PRKN: variants seen among roughly 807,000 people sequenced by gnomAD.
PRKN encodes E3 ubiquitin-protein ligase parkin.
PRKN carries 56 observed loss-of-function variants against 59.5 expected under a neutral mutation model. That is an observed-to-expected ratio of 0.94 (90% CI 0.76 to 1.18). PRKN has a LOEUF of 1.18. Among genes scored for constraint, PRKN ranks in the 50% most tolerant of loss-of-function variants. The probability of loss-of-function intolerance (pLI) is 0.00; values close to 1 mark genes in which losing one functional copy is unlikely to be tolerated. For missense variants in PRKN, 657 were observed against 596.4 expected (o/e 1.10, Z -1.06); for synonymous variants, 250 against 222.1 (o/e 1.13, Z -1.12).
At chr6:161,767,779 G>A (rs187362279) in intron 7 of PRKN, among the ~76,000 whole-genome samples, 1 of 150,214 alleles carries the variant, frequency 6.7e-6, no homozygotes, top group Non-Finnish European at 1.5e-5. Flanking sequence ...GGGGCTGGGG[G>A]TGTGGGGATG....
chr6:161,682,706 A>C (rs1463706433), intron 7 of PRKN, among the ~76,000 whole-genome samples: 1 of 152,162 alleles, frequency 6.6e-6, no homozygotes, highest in Non-Finnish European at 1.5e-5. Context: ...ATTCGGAAAC[A>C]CTTGGCAACA....
intron 1 of PRKN, among the ~76,000 whole-genome samples, chr6:162,648,796 C>G (rs918279902): frequency 6.6e-6 from 1 of 152,178 alleles, no homozygotes; most frequent in Non-Finnish European, 1.5e-5. Flanking sequence ...TATGTGTTAA[C>G]TTAGCTGGGC....
intron 2 of PRKN, among the ~76,000 whole-genome samples, chr6:162,281,503 G>T (rs1205847653): frequency 6.6e-6 from 1 of 152,076 alleles, no homozygotes; most frequent in Admixed American, 6.6e-5. Context: ...TATCTGTCAT[G>T]AATTCAGCTA....
chr6:162,690,445 C>T (rs573684848), intron 1 of PRKN, among the ~76,000 whole-genome samples: 45 of 152,300 alleles, frequency 3.0e-4, no homozygotes, highest in Middle Eastern at 3.4e-3. Flanking sequence ...TCATTTACTC[C>T]ACATGAATGC....
At chr6:162,118,894 T>C (rs1780789138) in intron 4 of PRKN, among the ~76,000 whole-genome samples, 1 of 152,170 alleles carries the variant, frequency 6.6e-6, no homozygotes, top group African/African-American at 2.4e-5. Flanking sequence ...CACATAGACT[T>C]GCGTTTCTAA....
chr6:162,698,316 C>A (rs1242509104), intron 1 of PRKN, among the ~76,000 whole-genome samples: 1 of 152,078 alleles, frequency 6.6e-6, no homozygotes, highest in African/African-American at 2.4e-5. Context: ...CTTTCACAGC[C>A]AGGACTGACC....
chr6:161,998,276 A>G (rs1781919687), intron 5 of PRKN, among the ~76,000 whole-genome samples: 1 of 152,138 alleles, frequency 6.6e-6, no homozygotes, highest in African/African-American at 2.4e-5. Context: ...CACACAAAGT[A>G]GATACACTGT....
intron 9 of PRKN, among the ~76,000 whole-genome samples, chr6:161,521,032 C>T (rs570864444): frequency 6.6e-6 from 1 of 152,100 alleles, no homozygotes; most frequent in African/African-American, 2.4e-5. Context: ...CCTCTTCTCC[C>T]GTATGTGAAG....
Position 161,526,428 on chromosome 6 carries a change from G to A in PRKN, c.1083+22426C>T, listed in dbSNP as rs183778678. Among the ~76,000 whole-genome samples the A allele has an allele frequency of 1.2e-4, 19 of 152,264 alleles. No individual in the cohort carries two copies. ...ACAATGGGCAAAAAGTTTCTCGAATGCACACAAACTAAAATATTAAGTGAT... is the reference window on the plus strand; with the variant it reads ...ACAATGGGCAAAAAGTTTCTCGAATACACACAAACTAAAATATTAAGTGAT... On this transcript the variant is annotated intron_variant, in intron 9 of 11. Transcript: ENST00000366898. This position sits in a 1 kb window ranked among gnomAD's most constrained non-coding sequence, Gnocchi z 4.1.
At chr6:161,866,432 G>A (rs917511163) in intron 6 of PRKN, among the ~76,000 whole-genome samples, 15 of 151,960 alleles carry the variant, frequency 9.9e-5, no homozygotes, top group South Asian at 6.2e-4. Context: ...AAAATTAGCC[G>A]GGCGTGGTGG....
chr6:161,973,889 G>A (rs1780922527), intron 5 of PRKN, among the ~76,000 whole-genome samples: 1 of 152,142 alleles, frequency 6.6e-6, no homozygotes, highest in Non-Finnish European at 1.5e-5. Flanking sequence ...TCACTACATG[G>A]TTAGTCATTT....
intron 3 of PRKN, among the ~76,000 whole-genome samples, chr6:162,262,253 T>C: frequency 6.6e-6 from 1 of 152,192 alleles, no homozygotes; most frequent in East Asian, 1.9e-4. Context: ...TAGAGTTCTT[T>C]CTGCTTTTTA....
chr6:161,877,638 T>G (rs2128228696), intron 6 of PRKN, among the ~76,000 whole-genome samples: 1 of 151,816 alleles, frequency 6.6e-6, no homozygotes, highest in East Asian at 2.0e-4. Flanking sequence ...TTTTTTTTTC[T>G]TTTGTATTTT....
At chr6:162,312,757 G>A (rs1284041446) in intron 2 of PRKN, among the ~76,000 whole-genome samples, 2 of 152,074 alleles carry the variant, frequency 1.3e-5, no homozygotes, top group Non-Finnish European at 2.9e-5. Flanking sequence ...TTTTCGAAAA[G>A]CTGTGCACAC....
intron 2 of PRKN, among the ~76,000 whole-genome samples, chr6:162,369,319 G>A (rs1785622263): frequency 6.6e-6 from 1 of 152,130 alleles, no homozygotes; most frequent in Non-Finnish European, 1.5e-5. Context: ...AAAGTTGGAG[G>A]TGCTGTGCCG....
At chr6:161,534,885 A>G (rs746321967) in intron 9 of PRKN, among the ~76,000 whole-genome samples, 7 of 152,244 alleles carry the variant, frequency 4.6e-5, no homozygotes, top group African/African-American at 7.2e-5. Flanking sequence ...TGCTAAAAAC[A>G]GCGTGATTTC....
In PRKN at chr6:162,011,517, T is replaced by TATTA. The variant is rs1782715829; in HGVS notation, c.619-38101_619-38100insTAAT. Among the ~76,000 whole-genome samples, 9 of 94,964 alleles carry TATTA rather than the reference T, an allele frequency of 9.5e-5. No individual in the cohort carries two copies. In the South Asian group the frequency reaches 2.8e-3, roughly 29 times the overall value. The allele number at this position is 94,964 out of a possible 152,430, so 62.3% of individuals were successfully genotyped here. Reference sequence around the variant, plus strand: ...ATAATATATATTTATTATATATATATTATATATATATATAAAACTTTCCAG... The same window carrying TATTA: ...ATAATATATATTTATTATATATATATATTATATATATATATATAAAACTTTCCAG... On this transcript the variant is annotated intron_variant, in intron 5 of 11. Transcript: ENST00000366898.
intron 2 of PRKN, among the ~76,000 whole-genome samples, chr6:162,289,961 T>A (rs1781353351): frequency 6.6e-6 from 1 of 152,162 alleles, no homozygotes; most frequent in South Asian, 2.1e-4. Flanking sequence ...AGAGTATGAT[T>A]TTTTTCTTTC....
At chr6:162,573,085 A>G (rs1780416002) in intron 1 of PRKN, among the ~76,000 whole-genome samples, 1 of 152,142 alleles carries the variant, frequency 6.6e-6, no homozygotes, top group Non-Finnish European at 1.5e-5. Context: ...TTTTATTTAC[A>G]ATTACATTTT....
Sources: gnomAD v4.1 joint callset for allele counts (sites outside exome capture counted in the v4.1 genomes callset) on GRCh38, gnomAD v4.1.1 for gene constraint, Gnocchi (gnomAD v3.1) non-coding constraint, MANE v1.5 for transcripts, NCBI Gene and HGNC (gene_info 2026-07-23, HGNC 2026-07-21) for gene names.